TRPM3: variants seen among roughly 807,000 people sequenced by gnomAD.
TRPM3 encodes transient receptor potential cation channel subfamily M member 3.
In TRPM3, 77 loss-of-function variants were observed where a neutral mutation model predicts 181.2. That is an observed-to-expected ratio of 0.42 (90% CI 0.35 to 0.51). The LOEUF (loss-of-function observed/expected upper bound fraction) is 0.51, where lower values mean the gene tolerates loss of function less well. TRPM3 is among the 20% of genes least tolerant of loss of function. TRPM3 has a pLI of 0.01. For synonymous variants in TRPM3, 745 were observed against 796.4 expected, an observed-to-expected ratio of 0.94 and a Z score of 1.09; for missense variants, 1,759 against 2,196.7, an observed-to-expected ratio of 0.80 and a Z score of 3.98.
intron 8 of TRPM3, among the ~76,000 whole-genome samples, chr9:70,738,076 A>G (rs903592584): frequency 2.6e-5 from 4 of 152,172 alleles, no homozygotes; most frequent in Non-Finnish European, 4.4e-5. Context: ...TATACGTTCT[A>G]TTCATCAGCA....
At chr9:71,179,197 G>A (rs186955103) in intron 1 of TRPM3, among the ~76,000 whole-genome samples, 31 of 152,248 alleles carry the variant, frequency 2.0e-4, no homozygotes, top group African/African-American at 7.2e-4. Flanking sequence ...GTGAAATGCA[G>A]TGTGCCAACT....
At chr9:70,841,120 C>T (rs10118452) in intron 5 of TRPM3, among the ~76,000 whole-genome samples, 55,710 of 151,904 alleles carry the variant, frequency 0.37, 10,611 homozygotes, top group Non-Finnish European at 0.39. Flanking sequence ...CTTTAAGACA[C>T]ATATTTGTTC....
At chr9:70,905,636 T>A (rs984401498) in intron 1 of TRPM3, among the ~76,000 whole-genome samples, 2 of 152,196 alleles carry the variant, frequency 1.3e-5, no homozygotes, top group Admixed American at 6.5e-5. Flanking sequence ...TACCTAGAAA[T>A]GTGATGAATA....
At chr9:71,081,755 C>T (rs1179468841) in intron 1 of TRPM3, among the ~76,000 whole-genome samples, 1 of 152,072 alleles carries the variant, frequency 6.6e-6, no homozygotes, top group Non-Finnish European at 1.5e-5. Context: ...TGCTTTGTAT[C>T]CTATTTCTGA....
intron 7 of TRPM3, among the ~76,000 whole-genome samples, chr9:70,762,629 T>G (rs1192318012): frequency 1.3e-5 from 2 of 152,170 alleles, no homozygotes; most frequent in African/African-American, 4.8e-5. Flanking sequence ...AGATTACAAA[T>G]TGCTTTCATA....
At chr9:71,400,744 G>A (rs976191208) in intron 1 of TRPM3, among the ~76,000 whole-genome samples, 1 of 150,718 alleles carries the variant, frequency 6.6e-6, no homozygotes, top group African/African-American at 2.4e-5. Context: ...AAAAGCAAAC[G>A]GTTTGGTTCT....
intron 6 of TRPM3, among the ~76,000 whole-genome samples, chr9:70,793,308 T>C (rs1164173947): frequency 2.6e-5 from 4 of 151,766 alleles, no homozygotes; most frequent in South Asian, 2.1e-4. Context: ...TTTTTAAAAA[T>C]TAGTGGGGTT....
chr9:70,864,631 A>G (rs1034225953), intron 1 of TRPM3, 120 bp from the exon 2 acceptor site: 2 of 521,494 alleles, frequency 3.8e-6, no homozygotes, highest in Non-Finnish European at 6.2e-6. Flanking sequence ...TATATCACAA[A>G]TTGAACTGAA....
chr9:70,979,427 G>C (rs1329129198), intron 1 of TRPM3, among the ~76,000 whole-genome samples: 1 of 152,176 alleles, frequency 6.6e-6, no homozygotes, highest in Non-Finnish European at 1.5e-5. Context: ...AGGAGGCAGA[G>C]GGGAACATGA....
intron 1 of TRPM3, among the ~76,000 whole-genome samples, chr9:71,217,945 T>C (rs1306553690): frequency 6.6e-6 from 1 of 152,194 alleles, no homozygotes; most frequent in Non-Finnish European, 1.5e-5. Flanking sequence ...CGAATCACTG[T>C]TTCCATCCAA....
chr9:70,628,873 C>A (rs951852690), intron 12 of TRPM3, among the ~76,000 whole-genome samples: 1 of 147,220 alleles, frequency 6.8e-6, no homozygotes, highest in Non-Finnish European at 1.5e-5. Context: ...AGCCTAACAC[C>A]TATGTATTTT....
chr9:70,986,445 A>G (rs2097422460), intron 1 of TRPM3, among the ~76,000 whole-genome samples: 2 of 152,214 alleles, frequency 1.3e-5, no homozygotes, highest in Admixed American at 1.3e-4. Context: ...ACTTGGTTGC[A>G]TGTAATCATT....
chr9:71,225,742 C>T (rs895624051), intron 1 of TRPM3, among the ~76,000 whole-genome samples: 13 of 151,986 alleles, frequency 8.6e-5, no homozygotes, highest in African/African-American at 2.9e-4. Context: ...ACTGCAACCC[C>T]GCCTCCTGGG....
chr9:71,252,847 CTTTTTTTTTTTTTT>C (rs11417438), intron 1 of TRPM3, among the ~76,000 whole-genome samples: 1 of 84,754 alleles, frequency 1.2e-5, no homozygotes, highest in Admixed American at 1.5e-4. Context: ...AATTTTGTCT[CTTTTTTTTTTTTTT>C]TTTTTTTTAG....
intron 1 of TRPM3, among the ~76,000 whole-genome samples, chr9:71,162,199 C>CAAAAAAA (rs35947110): frequency 5.4e-5 from 4 of 74,422 alleles, no homozygotes; most frequent in African/African-American, 1.1e-4. Flanking sequence ...GACTCTGTCT[C>CAAAAAAA]AAAAAAAAAA....
At chr9:71,238,893 C>T (rs748266159) in intron 1 of TRPM3, among the ~76,000 whole-genome samples, 31 of 152,120 alleles carry the variant, frequency 2.0e-4, no homozygotes, top group Non-Finnish European at 3.4e-4. Context: ...TTTGAAAAAT[C>T]GCCAACCCTT....
chr9:71,177,934 A>C (rs76659202), intron 1 of TRPM3, among the ~76,000 whole-genome samples: 1 of 68,950 alleles, frequency 1.5e-5, no homozygotes, highest in Non-Finnish European at 3.6e-5. Context: ...CTCAAAGCCA[A>C]AAAAAAAAAA....
intron 21 of TRPM3, among the ~76,000 whole-genome samples, chr9:70,595,538 T>G (rs750878846): frequency 1.3e-5 from 2 of 152,188 alleles, no homozygotes; most frequent in Non-Finnish European, 2.9e-5. Flanking sequence ...AGTGTCAAGG[T>G]TGAGAAAATG....
chr9:70,985,895 G>A (rs2097416530), intron 1 of TRPM3, among the ~76,000 whole-genome samples: 1 of 152,066 alleles, frequency 6.6e-6, no homozygotes, highest in Non-Finnish European at 1.5e-5. Context: ...CAGGATGGAG[G>A]GAGAATATTT....
Sources: allele counts gnomAD v4.1 joint callset (sites outside exome capture counted in the v4.1 genomes callset), GRCh38; gene constraint gnomAD v4.1.1; transcripts MANE v1.5; gene names NCBI Gene and HGNC (gene_info 2026-07-23, HGNC 2026-07-21).